Variants in C8orf34 observed in about 807,000 individuals in gnomAD.
The protein encoded by C8orf34 is chromosome 8 open reading frame 34.
A neutral mutation model predicts 68.3 loss-of-function variants in C8orf34; 65 were observed. The observed-to-expected ratio is 0.95, with a 90% confidence interval of 0.78 to 1.17. The LOEUF is 1.17. Ranked by LOEUF, C8orf34 falls within the 50% of genes most tolerant of loss-of-function variation. The pLI is 0.00. For synonymous variants in C8orf34, 244 were observed against 241.2 expected (o/e 1.01, Z -0.11); for missense variants, 664 against 655.4 (o/e 1.01, Z -0.14).
At chr8:68,521,250 C>T (rs545057264) in intron 5 of C8orf34, among the ~76,000 whole-genome samples, 1 of 152,276 alleles carries the variant, frequency 6.6e-6, no homozygotes, top group Admixed American at 6.5e-5. Flanking sequence ...ATATCCGAGT[C>T]CATGAAAACA....
At chr8:68,497,605 C>T (rs113797000) in intron 5 of C8orf34, among the ~76,000 whole-genome samples, 2,116 of 151,988 alleles carry the variant, frequency 0.014, 51 homozygotes, top group African/African-American at 0.048. Flanking sequence ...AGTAGAAAAA[C>T]CAAAATGTCC....
rs1458657228 is a variant in C8orf34, at chr8:68,744,585, A to G, written c.1404+23148A>G. Reference sequence around the variant, plus strand: ...CCAAGGCTCGAGAACTACGTGAAGAATGCAGAAGCCTCAGGAGCCGATGCG... The same window carrying G: ...CCAAGGCTCGAGAACTACGTGAAGAGTGCAGAAGCCTCAGGAGCCGATGCG... On this transcript the variant is annotated intron_variant, in intron 10 of 13. Coordinates refer to ENST00000518698, the MANE Select transcript of C8orf34 (RefSeq NM_052958.4). 3.9e-5 allele frequency among the ~76,000 whole-genome samples: 6 copies of G among 152,198 alleles called. No individual in the cohort carries two copies. The East Asian group carries it at 9.6e-4, about 24-fold the overall frequency.
chr8:68,331,374 T>C, intron 1 of C8orf34, 35 bp downstream of exon 1: 1 of 1,524,714 alleles, frequency 6.6e-7, no homozygotes, highest in Non-Finnish European at 8.8e-7. Flanking sequence ...TCCCGTTGTC[T>C]TTAGGGGAAG....
chr8:68,501,443 T>G (rs1813768131), intron 5 of C8orf34, among the ~76,000 whole-genome samples: 1 of 152,122 alleles, frequency 6.6e-6, no homozygotes, highest in African/African-American at 2.4e-5. Flanking sequence ...TGTGGGCATT[T>G]GTAAGGAATC....
chr8:68,730,005 G>A (rs1821936070), intron 10 of C8orf34, among the ~76,000 whole-genome samples: 1 of 152,078 alleles, frequency 6.6e-6, no homozygotes, highest in South Asian at 2.1e-4. Context: ...AAATAGTTGA[G>A]CAATAGAAGC....
chr8:68,567,577 C>CT (rs1160845483), intron 7 of C8orf34, among the ~76,000 whole-genome samples: 515 of 29,778 alleles, frequency 0.017, 143 homozygotes, highest in Non-Finnish European at 0.022. Flanking sequence ...TTTCATTTAT[C>CT]TTTTTTTTTT....
intron 10 of C8orf34, among the ~76,000 whole-genome samples, chr8:68,754,541 T>C (rs554222291): frequency 1.3e-5 from 2 of 152,288 alleles, no homozygotes; most frequent in East Asian, 3.9e-4. Context: ...CATCCAAATT[T>C]CCCTGGGCCT....
Position 68,581,356 on chromosome 8 carries a change from G to A in C8orf34, c.1105+48207G>A, listed in dbSNP as rs542036223. On this transcript the variant is annotated intron_variant, in intron 7 of 13. Transcript: ENST00000518698. ...TTCCTTTCTTCTGGGTACTGGGAGG[G>A]CAACTCTTGAATGAGGGTCTTATGA... Among the ~76,000 whole-genome samples, 348 of 152,126 alleles carry A rather than the reference G, an allele frequency of 2.3e-3. 3 individuals carry two copies. Among genetic ancestry groups the A allele is most frequent in the African/African-American group, 7.6e-3 (314 of 41,494 alleles).
intron 4 of C8orf34, among the ~76,000 whole-genome samples, chr8:68,476,849 A>G (rs1357968609): frequency 6.6e-6 from 1 of 152,220 alleles, no homozygotes; most frequent in Non-Finnish European, 1.5e-5. Flanking sequence ...CAATCTCTAT[A>G]AGTTGGCTGA....
At chr8:68,557,526 T>C (rs977848350) in intron 7 of C8orf34, among the ~76,000 whole-genome samples, 18 of 152,196 alleles carry the variant, frequency 1.2e-4, no homozygotes, top group African/African-American at 4.3e-4. Flanking sequence ...TTATATTTCA[T>C]TGCTATTTCT....
intron 7 of C8orf34, among the ~76,000 whole-genome samples, chr8:68,600,923 A>G (rs1446061127): frequency 6.6e-6 from 1 of 152,128 alleles, no homozygotes; most frequent in African/African-American, 2.4e-5. Flanking sequence ...CCTCGCACAC[A>G]CACTTCCCAG....
chr8:68,467,017 A>T (rs1002726777), intron 3 of C8orf34, among the ~76,000 whole-genome samples: 4 of 151,932 alleles, frequency 2.6e-5, no homozygotes, highest in African/African-American at 9.7e-5. Context: ...ATTTCTACCC[A>T]ACTCGGCTCC....
intron 3 of C8orf34, among the ~76,000 whole-genome samples, chr8:68,456,843 A>C (rs1220881030): frequency 2.0e-5 from 3 of 152,230 alleles, no homozygotes; most frequent in Non-Finnish European, 2.9e-5. Flanking sequence ...GTTATGTGTC[A>C]TAGATAAGAT....
intron 1 of C8orf34, among the ~76,000 whole-genome samples, chr8:68,395,140 A>G (rs2129620951): frequency 6.6e-6 from 1 of 152,186 alleles, no homozygotes. Flanking sequence ...TATTTTTTTT[A>G]AACAACTATC....
At position 68,686,533 on chromosome 8, in the gene C8orf34, C is replaced by A. The variant is rs140740069; in HGVS notation, c.1242-22461C>A. Among the ~76,000 whole-genome samples the A allele has an allele frequency of 6.2e-4, 95 of 152,102 alleles. 2 individuals carry two copies. In the East Asian group the frequency reaches 0.016, roughly 26 times the overall value. On this transcript the variant is annotated intron_variant, in intron 8 of 13. Transcript: ENST00000518698. The stretch of plus-strand genomic sequence containing the variant: ...AAACAGAATTAAAGAACCGTATGAT[C>A]ATCTCAATAGATGCAATAAAAGCAT...
chr8:68,786,992 G>A (rs781532340), intron 11 of C8orf34, among the ~76,000 whole-genome samples: 1 of 152,130 alleles, frequency 6.6e-6, no homozygotes, highest in African/African-American at 2.4e-5. Context: ...TTTAGAAAGT[G>A]AGAAGAGGAA....
intron 7 of C8orf34, chr8:68,533,629 G>A: frequency 1.6e-5 from 16 of 984,724 alleles, no homozygotes; most frequent in Non-Finnish European, 1.9e-5. Context: ...TTCCGTAAAT[G>A]ACGGGAAAGT....
rs115858758 is a variant in C8orf34 at position 68,421,812 on chromosome 8, G to A, written c.328-17687G>A. Reference sequence around the variant, plus strand: ...GAGACTGGGTAATTTATAAAGAAAAGAGCCTTAATTGACTTACAGCCTGCA... The same window carrying A: ...GAGACTGGGTAATTTATAAAGAAAAAAGCCTTAATTGACTTACAGCCTGCA... On this transcript the variant is annotated intron_variant, in intron 1 of 13. Coordinates refer to ENST00000518698, the MANE Select transcript of C8orf34 (RefSeq NM_052958.4). Among the ~76,000 whole-genome samples, 1,166 of 152,270 alleles carry A rather than the reference G, an allele frequency of 7.7e-3. 29 individuals carry two copies. Among genetic ancestry groups the A allele is most frequent in the African/African-American group, 0.027 (1,119 of 41,550 alleles).
chr8:68,708,572 G>A (rs1821239478), intron 8 of C8orf34, among the ~76,000 whole-genome samples: 1 of 152,152 alleles, frequency 6.6e-6, no homozygotes, highest in Admixed American at 6.5e-5. Context: ...TGGTTGATTT[G>A]CAAGATTGTG....
Sources: allele counts gnomAD v4.1 joint callset (sites outside exome capture counted in the v4.1 genomes callset), GRCh38; gene constraint gnomAD v4.1.1; transcripts MANE v1.5; gene names NCBI Gene and HGNC (gene_info 2026-07-23, HGNC 2026-07-21).